Variants in SNRNP35 observed in about 807,000 individuals in gnomAD.
SNRNP35 encodes the protein U11/U12 small nuclear ribonucleoprotein 35 kDa protein.
In SNRNP35, 16 loss-of-function variants were observed where a neutral mutation model predicts 24.3. That is an observed-to-expected ratio of 0.66 (90% confidence interval 0.45 to 1.00). The LOEUF (loss-of-function observed/expected upper bound fraction) is 1.00, where lower values mean the gene tolerates loss of function less well. SNRNP35 is among the 50% of genes least tolerant of loss of function. SNRNP35 has a pLI of 0.00. For synonymous variants in SNRNP35, 106 were observed against 124.8 expected (o/e 0.85, Z 1.00); for missense variants, 292 against 327.2 (o/e 0.89, Z 0.83).
chr12:123,468,234 C>T (rs975099194), downstream of SNRNP35, among the ~76,000 whole-genome samples: 2 of 151,662 alleles, frequency 1.3e-5, no homozygotes, highest in African/African-American at 4.8e-5. Context: ...TGGCAGGTGC[C>T]TGTAATCCCA....
In SNRNP35 at chr12:123,465,143, T is replaced by G. The variant is rs940323008; in HGVS notation, c.-3-395T>G. 3.9e-5 allele frequency among the ~76,000 whole-genome samples: 6 copies of G among 152,230 alleles called. No homozygotes were observed. Among genetic ancestry groups the G allele is most frequent in the Non-Finnish European group, 8.8e-5 (6 of 68,036 alleles). On this transcript the variant is annotated intron_variant, in intron 1 of 1. Transcript: ENST00000526639. This position sits in a 1 kb window ranked among gnomAD's most constrained non-coding sequence, Gnocchi z 4.2. Reference sequence around the variant, plus strand: ...ATTGCCATTTTCCACCAGCAGTTCCTGGGCTAGTTTTCCTATGATCATTTT... The same window carrying G: ...ATTGCCATTTTCCACCAGCAGTTCCGGGGCTAGTTTTCCTATGATCATTTT...
intron 1 of SNRNP35, among the ~76,000 whole-genome samples, chr12:123,461,478 T>C (rs1278964322): frequency 6.6e-6 from 1 of 151,906 alleles, no homozygotes; most frequent in East Asian, 1.9e-4. Context: ...AAGACACAAA[T>C]TGAGTTAGAG....
intron 1 of SNRNP35, among the ~76,000 whole-genome samples, chr12:123,460,075 G>A (rs1566102207): frequency 6.6e-6 from 1 of 152,048 alleles, no homozygotes; most frequent in Non-Finnish European, 1.5e-5. Flanking sequence ...CAAATGATCC[G>A]CTCATCTTGG....
downstream of SNRNP35, chr12:123,471,101 C>CACTCT: frequency 2.7e-5 from 4 of 147,622 alleles, no homozygotes; most frequent in Admixed American, 2.7e-4. Context: ...GATGAAGTCT[C>CACTCT]ACTCTGTCGC....
At chr12:123,473,014 T>A in exon 2 of SNRNP35, 1 of 247,180 alleles carries the variant, frequency 4.0e-6, no homozygotes, top group Non-Finnish European at 8.0e-6. Flanking sequence ...AAATCTTGGG[T>A]TTCTTTAATT....
In SNRNP35 at chr12:123,465,202, A is replaced by G. The variant is rs1880876691; in HGVS notation, c.-3-336A>G. 6.6e-6 allele frequency among the ~76,000 whole-genome samples: 1 copy of G among 152,222 alleles called. No homozygotes were observed. Among genetic ancestry groups the G allele is most frequent in the East Asian group, 1.9e-4 (1 of 5,200 alleles). On this transcript the variant is annotated intron_variant, in intron 1 of 1. Transcript: ENST00000526639. The surrounding 1 kb of genome is among the most constrained non-coding windows in gnomAD (Gnocchi z 4.2). The stretch of plus-strand genomic sequence containing the variant: ...TGAAAGAGAAGTCTGGTTTTGATCC[A>G]CGTTGCCACATTGTAATGTGTTCAT...
chr12:123,463,593 G>C (rs1880756074), intron 1 of SNRNP35, among the ~76,000 whole-genome samples: 1 of 150,834 alleles, frequency 6.6e-6, no homozygotes, highest in African/African-American at 2.4e-5. Context: ...GGCCAGACTG[G>C]TCTCAAACTC....
At chr12:123,459,259 A>G (rs1433700978) in intron 1 of SNRNP35, 2 of 152,494 alleles carry the variant, frequency 1.3e-5, no homozygotes, top group East Asian at 3.9e-4. Flanking sequence ...CTAAATTTGT[A>G]TAATAATTTA....
rs1880955590 is a variant in SNRNP35 at position 123,466,011 on chromosome 12, AC to A, written c.472del (p.Arg158GlyfsTer115). ...AGTCTGGGCAACTGAGATTTGGGGG[AC>A]GGGACCGGCCTTTTCGAAAACCTAT... Reference protein sequence around the residue: ...KESGQLRFGGRDRPFRKPINL... With the variant: ...KESGQLRFGGXDRPFRKPINL... On this transcript the variant is annotated frameshift_variant, in exon 2 of 2. Transcript: ENST00000526639. LOFTEE classifies it high-confidence loss of function. The A allele has an allele frequency of 6.2e-7, 1 of 1,613,832 alleles. No homozygotes were observed.
At chr12:123,461,048 C>T (rs1292712601) in intron 1 of SNRNP35, among the ~76,000 whole-genome samples, 4 of 148,148 alleles carry the variant, frequency 2.7e-5, no homozygotes, top group African/African-American at 7.5e-5. Context: ...CTCCTGGGCT[C>T]AAGGGATCCT....
intron 1 of SNRNP35, among the ~76,000 whole-genome samples, chr12:123,463,586 C>A (rs1212261143): frequency 6.6e-6 from 1 of 150,826 alleles, no homozygotes; most frequent in African/African-American, 2.4e-5. Flanking sequence ...CCATATTGGC[C>A]AGACTGGTCT....
chr12:123,467,270 A>G (rs1255431094), downstream of SNRNP35, among the ~76,000 whole-genome samples: 1 of 152,224 alleles, frequency 6.6e-6, no homozygotes, highest in East Asian at 1.9e-4. Flanking sequence ...ATTCTCACTC[A>G]AAATGCCGAC....
At chr12:123,463,699 A>AGTTTT (rs981452580) in intron 1 of SNRNP35, among the ~76,000 whole-genome samples, 3 of 151,288 alleles carry the variant, frequency 2.0e-5, no homozygotes, top group Admixed American at 2.0e-4. Context: ...CGCGCTCGCC[A>AGTTTT]GTTTTGTTTT....
rs1284676268 is a variant in SNRNP35 at position 123,465,395 on chromosome 12, G to A, written c.-3-143G>A. ...GTCTCCCCCACTTACTAGCAGGGAG[G>A]ACTTAGCCTCTGTGGGTGTTCCCTT... On this transcript the variant is annotated intron_variant, in intron 1 of 1. Coordinates refer to ENST00000526639, the MANE Select transcript of SNRNP35 (RefSeq NM_022717.4). The surrounding 1 kb of genome is among the most constrained non-coding windows in gnomAD (Gnocchi z 4.2). The A allele has an allele frequency of 2.1e-6, 2 of 971,786 alleles. No individual in the cohort carries two copies. Among genetic ancestry groups the A allele is most frequent in the Non-Finnish European group, 2.9e-6 (2 of 695,450 alleles). The allele number at this position is 971,786 out of a possible 1,614,324, so 60.2% of individuals were successfully genotyped here. A position where few individuals can be genotyped will look rare whatever the true frequency, so the allele number is the denominator to read the frequency against.
At chr12:123,460,379 G>T (rs999670159) in intron 1 of SNRNP35, among the ~76,000 whole-genome samples, 1 of 151,996 alleles carries the variant, frequency 6.6e-6, no homozygotes, top group Non-Finnish European at 1.5e-5. Context: ...TTGGGGCACA[G>T]GCTGCCTTTT....
At chr12:123,464,322 C>G (rs1016497729) in intron 1 of SNRNP35, 20 of 150,796 alleles carry the variant, frequency 1.3e-4, no homozygotes, top group African/African-American at 4.7e-4. Context: ...TCACTGCAAG[C>G]TCCGCCTCCC....
rs2139291418 is a variant in SNRNP35 at position 123,466,138 on chromosome 12, G to A, written c.598G>A (p.Asp200Asn). 1 of 1,611,618 alleles carries A rather than the reference G, an allele frequency of 6.2e-7. No individual in the cohort carries two copies. Residue 200 changes from aspartate to asparagine, a missense_variant, in exon 2 of 2, where the codon GAT (aspartate) becomes AAT (asparagine). By Grantham distance (23) the Asp-to-Asn change is conservative. Coordinates refer to ENST00000526639, the MANE Select transcript of SNRNP35 (RefSeq NM_022717.4). ...AAGACACTGGGACTCGAGGACAAGGGATCGAGACCATGACAGGGGCCGGGA... is the reference window on the plus strand; with the variant it reads ...AAGACACTGGGACTCGAGGACAAGGAATCGAGACCATGACAGGGGCCGGGA... ...RERHWDSRTRDRDHDRGREKR... is the reference protein window; with the variant it reads ...RERHWDSRTRNRDHDRGREKR...
rs1880379158 is a variant in SNRNP35, at chr12:123,458,171, A to C, written c.-49A>C. ...GCGCGGAGAATCTGCTGTCGCCTGCAGCTGCTCGCCTGTCTCCGTCGGAAG... is the reference window on the plus strand; with the variant it reads ...GCGCGGAGAATCTGCTGTCGCCTGCCGCTGCTCGCCTGTCTCCGTCGGAAG... On this transcript the variant is annotated 5_prime_UTR_variant, in exon 1 of 2. Transcript: ENST00000526639. The C allele has an allele frequency of 1.0e-6, 1 of 985,340 alleles. No homozygotes were observed. Among genetic ancestry groups the C allele is most frequent in the Admixed American group, 6.2e-5 (1 of 16,246 alleles). The allele number at this position is 985,340 out of a possible 1,614,324, so 61.0% of individuals were successfully genotyped here.
Position 123,465,840 on chromosome 12 carries a change from G to C in SNRNP35, c.300G>C (p.Lys100Asn). 1 of 1,614,082 alleles carries C rather than the reference G, an allele frequency of 6.2e-7. No homozygotes were observed. The highest frequency in any genetic ancestry group is 8.5e-7 in the Non-Finnish European group (1 of 1,180,022). Reference protein sequence around the residue: ...FSKGYAFIEYKEERAVIKAYR... With the variant: ...FSKGYAFIEYNEERAVIKAYR... ...AGGGCTACGCCTTCATCGAATACAA[G>C]GAGGAGCGTGCCGTGATCAAAGCTT... is the stretch of plus-strand genomic sequence containing the variant. The change falls in exon 2 of 2, where the codon AAG (lysine) becomes AAC (asparagine). Residue 100 changes from lysine (K) to asparagine (N), a missense_variant. Coordinates refer to ENST00000526639, the MANE Select transcript of SNRNP35 (RefSeq NM_022717.4). This position sits in a 1 kb window ranked among gnomAD's most constrained non-coding sequence, Gnocchi z 4.2.
Sources: gnomAD v4.1 joint callset for allele counts (sites outside exome capture counted in the v4.1 genomes callset) on GRCh38, gnomAD v4.1.1 for gene constraint, Gnocchi (gnomAD v3.1) non-coding constraint, MANE v1.5 for transcripts, NCBI Gene and HGNC (gene_info 2026-07-23, HGNC 2026-07-21) for gene names.